Variants in NTM observed in about 807,000 individuals in gnomAD.
NTM encodes the protein neurotrimin.
Under a neutral mutation model 42.1 loss-of-function variants are expected in NTM, and 13 were observed. The ratio of observed to expected loss-of-function variants is 0.31; its 90% CI spans 0.20 to 0.49. NTM has a LOEUF of 0.49. NTM is among the 20% of genes least tolerant of loss of function. The pLI, the probability that NTM is intolerant of heterozygous loss-of-function variation, is 0.99. For missense variants in NTM, 373 were observed against 452.8 expected (o/e 0.82, Z 1.60); for synonymous variants, 187 against 179.2 (o/e 1.04, Z -0.35).
chr11:132,030,666 T>C (rs1357598758), intron 2 of NTM, among the ~76,000 whole-genome samples: 1 of 152,220 alleles, frequency 6.6e-6, no homozygotes, highest in Non-Finnish European at 1.5e-5. Context: ...GGGAACCTCA[T>C]ATGCCAAAGC....
chr11:131,760,043 A>T (rs943975912), intron 1 of NTM, among the ~76,000 whole-genome samples: 6 of 152,214 alleles, frequency 3.9e-5, no homozygotes, highest in African/African-American at 1.4e-4. Flanking sequence ...GAGGGAGGGA[A>T]AATGGTGTTT....
chr11:131,963,558 TGCTAAAA>T (rs1324251072), intron 2 of NTM, among the ~76,000 whole-genome samples: 1 of 152,204 alleles, frequency 6.6e-6, no homozygotes, highest in Non-Finnish European at 1.5e-5. Flanking sequence ...CCTGTGACCT[TGCTAAAA>T]GGATTCTAGC....
chr11:131,667,257 C>T (rs1260745785), intron 1 of NTM, among the ~76,000 whole-genome samples: 6 of 152,158 alleles, frequency 3.9e-5, no homozygotes, highest in East Asian at 3.9e-4. Flanking sequence ...TCTGCTCTTC[C>T]GTGGGTTGTT....
chr11:131,754,499 T>C (rs2083051549), intron 1 of NTM, among the ~76,000 whole-genome samples: 1 of 151,818 alleles, frequency 6.6e-6, no homozygotes, highest in African/African-American at 2.4e-5. Flanking sequence ...GTGGCGCATA[T>C]CTGTAATCCC....
chr11:131,422,641 C>T lies in NTM; in HGVS notation c.82+51753C>T, dbSNP rs966156694. Among the ~76,000 whole-genome samples, 5 of 152,306 alleles carry T rather than the reference C, an allele frequency of 3.3e-5. No individual in the cohort carries two copies. The South Asian group carries it at 8.3e-4, about 25-fold the overall frequency. On this transcript the variant is annotated intron_variant, in intron 1 of 8. Transcript: ENST00000683400. Reference sequence around the variant, plus strand: ...ACAGAACCTGAGCACTTCTAGACAACTATCTGGGCAGGAAATTGTATGAGA... The same window carrying T: ...ACAGAACCTGAGCACTTCTAGACAATTATCTGGGCAGGAAATTGTATGAGA...
rs558337101 is a variant in NTM at position 131,885,474 on chromosome 11, G to A, written c.83-26090G>A. Among the ~76,000 whole-genome samples the A allele has an allele frequency of 3.9e-5, 6 of 152,068 alleles. No individual in the cohort carries two copies. The East Asian group carries it at 9.7e-4, about 25-fold the overall frequency. ...TGTCGTCTGTATCTGATGGAGCAAC[G>A]TCTTCATTATGAAATTAGATGAAAA... On this transcript the variant is annotated intron_variant, in intron 1 of 8. Coordinates refer to ENST00000683400, the MANE Select transcript of NTM (RefSeq NM_001352005.2).
chr11:131,566,240 G>A (rs2056869025), intron 1 of NTM, among the ~76,000 whole-genome samples: 1 of 152,172 alleles, frequency 6.6e-6, no homozygotes, highest in South Asian at 2.1e-4. Flanking sequence ...CACTGATTGA[G>A]CTCAAATGAT....
chr11:131,983,876 C>T (rs979710460), intron 2 of NTM, among the ~76,000 whole-genome samples: 7 of 152,170 alleles, frequency 4.6e-5, no homozygotes, highest in African/African-American at 1.4e-4. Context: ...GTTCCCTGAG[C>T]ATTAGCTTCC....
intron 3 of NTM, among the ~76,000 whole-genome samples, chr11:132,149,443 G>T (rs575794970): frequency 6.6e-6 from 1 of 152,132 alleles, no homozygotes; most frequent in African/African-American, 2.4e-5. Context: ...CAACAAAAAG[G>T]AACTAAATTG....
intron 1 of NTM, among the ~76,000 whole-genome samples, chr11:131,495,747 G>A (rs564273244): frequency 2.8e-4 from 43 of 152,348 alleles, no homozygotes; most frequent in African/African-American, 9.1e-4. Context: ...TGGGGAGGGG[G>A]ATTGGGCCCT....
intron 1 of NTM, among the ~76,000 whole-genome samples, chr11:131,721,424 T>A (rs539664397): frequency 6.6e-6 from 1 of 152,098 alleles, no homozygotes; most frequent in Non-Finnish European, 1.5e-5. Context: ...TAAGAGTGCC[T>A]CCTTCATTAG....
intron 2 of NTM, among the ~76,000 whole-genome samples, chr11:132,030,907 G>A (rs909349580): frequency 2.6e-5 from 4 of 152,154 alleles, no homozygotes; most frequent in Admixed American, 6.5e-5. Flanking sequence ...TTGTAGGTTC[G>A]CTGGGAGGAC....
chr11:131,430,105 A>G (rs540322799), intron 1 of NTM, among the ~76,000 whole-genome samples: 1 of 152,196 alleles, frequency 6.6e-6, no homozygotes. Flanking sequence ...GCGCTGGGAT[A>G]TGGCAGCATC....
At chr11:131,805,743 C>G (rs182837697) in intron 1 of NTM, among the ~76,000 whole-genome samples, 34 of 152,144 alleles carry the variant, frequency 2.2e-4, no homozygotes, top group Non-Finnish European at 1.0e-4. Flanking sequence ...AACAAAACTC[C>G]CGGTGGAAGA....
chr11:131,631,584 G>A (rs1413208083), intron 1 of NTM, among the ~76,000 whole-genome samples: 1 of 152,214 alleles, frequency 6.6e-6, no homozygotes, highest in Non-Finnish European at 1.5e-5. Context: ...AAGCACTGTA[G>A]TACTTCCTCC....
At chr11:131,866,152 A>G (rs2047187763) in intron 1 of NTM, among the ~76,000 whole-genome samples, 1 of 149,704 alleles carries the variant, frequency 6.7e-6, no homozygotes, top group African/African-American at 2.4e-5. Context: ...CCGCACACAC[A>G]CGGTGCACAC....
At chr11:131,988,921 T>C (rs1182388305) in intron 2 of NTM, among the ~76,000 whole-genome samples, 1 of 152,150 alleles carries the variant, frequency 6.6e-6, no homozygotes, top group African/African-American at 2.4e-5. Flanking sequence ...TATTTTGGAA[T>C]GGAAAAACAG....
intron 3 of NTM, among the ~76,000 whole-genome samples, chr11:132,191,728 G>T (rs965188424): frequency 6.6e-6 from 1 of 152,056 alleles, no homozygotes; most frequent in African/African-American, 2.4e-5. Flanking sequence ...TGGCCTGGAA[G>T]ATCAACAAGA....
chr11:131,611,241 A>T (rs1488362088), intron 1 of NTM, among the ~76,000 whole-genome samples: 1 of 152,186 alleles, frequency 6.6e-6, no homozygotes, highest in Non-Finnish European at 1.5e-5. Flanking sequence ...CTTTAGGAGG[A>T]TGATGAATGT....
Sources: allele counts gnomAD v4.1 joint callset (sites outside exome capture counted in the v4.1 genomes callset), GRCh38; gene constraint gnomAD v4.1.1; transcripts MANE v1.5; gene names NCBI Gene and HGNC (gene_info 2026-07-23, HGNC 2026-07-21).